Variants in BACE2 observed in about 807,000 individuals in gnomAD.
The protein encoded by BACE2 is 56 kDa aspartic-like protease.
BACE2 carries 17 observed loss-of-function variants against 46.2 expected under a neutral mutation model. That is an observed-to-expected ratio of 0.37 (90% CI 0.25 to 0.55). BACE2 has a LOEUF of 0.55. BACE2 is among the 20% of genes least tolerant of loss of function. The pLI, the probability that BACE2 is intolerant of heterozygous loss-of-function variation, is 0.82. For synonymous variants in BACE2, 277 were observed against 295.9 expected, an observed-to-expected ratio of 0.94 and a Z score of 0.66; for missense variants, 595 against 698.1, an observed-to-expected ratio of 0.85 and a Z score of 1.66.
At chr21:41,242,175 A>G (rs952156453) in intron 4 of BACE2, among the ~76,000 whole-genome samples, 3 of 149,824 alleles carry the variant, frequency 2.0e-5, no homozygotes, top group African/African-American at 7.4e-5. Flanking sequence ...TCCGAATTCC[A>G]TTAAAACTTT....
At chr21:41,198,240 C>G (rs1396944469) in intron 1 of BACE2, among the ~76,000 whole-genome samples, 1 of 152,170 alleles carries the variant, frequency 6.6e-6, no homozygotes, top group East Asian at 1.9e-4. Flanking sequence ...ATCTGCCCAC[C>G]TCGGCCTCTC....
At chr21:41,233,049 C>T (rs1223934670) in intron 2 of BACE2, among the ~76,000 whole-genome samples, 1 of 151,788 alleles carries the variant, frequency 6.6e-6, no homozygotes, top group Non-Finnish European at 1.5e-5. Context: ...TTTGTATTTT[C>T]AGTAGAGACG....
chr21:41,189,281 G>A (rs1278417895), intron 1 of BACE2, among the ~76,000 whole-genome samples: 1 of 151,708 alleles, frequency 6.6e-6, no homozygotes, highest in Non-Finnish European at 1.5e-5. Context: ...TCTAGTAATT[G>A]CCTGTTCTCT....
chr21:41,282,307 TAAAAATGTAATAAGAC>T lies in BACE2; in HGVS notation c.*6684_*6699del, dbSNP rs2088555689. The T allele has an allele frequency of 6.6e-6, 1 of 152,226 alleles. No individual in the cohort carries two copies. Among genetic ancestry groups the T allele is most frequent in the South Asian group, 2.1e-4 (1 of 4,836 alleles). The allele number at this position is 152,226 out of a possible 1,614,324, so 9.4% of individuals were successfully genotyped here. ...CTATTTCCAGCACGCTGATTTGATT[TAAAAATGTAATAAGAC>T]CAAGAGTTGGAGTAAAGGGATATTC... On this transcript the variant is annotated 3_prime_UTR_variant, in exon 9 of 9. Transcript: ENST00000330333.
chr21:41,275,406 C>A lies in BACE2; in HGVS notation c.1339C>A (p.Pro447Thr). 1 of 1,614,206 alleles carries A rather than the reference C, an allele frequency of 6.2e-7. No individual in the cohort carries two copies. Among genetic ancestry groups the A allele is most frequent in the Non-Finnish European group, 8.5e-7 (1 of 1,180,040 alleles). The change falls in exon 9 of 9, where the codon CCT (proline) becomes ACT (threonine). Residue 447 changes from proline to threonine, a missense_variant. Pro to Thr is a conservative substitution (Grantham distance 38, BLOSUM62 -1). Around this residue, in one of 3 missense-constraint regions of BACE2, gnomAD observed 343 missense variants for 419.4 expected, o/e 0.82. Coordinates refer to ENST00000330333, the MANE Select transcript of BACE2 (RefSeq NM_012105.5). ...AGAAVSEISG[P>T]FSTEDVASNC... Reference sequence around the variant, plus strand: ...TGCTGCAGTGTCTGAAATTTCCGGGCCTTTCTCAACAGAGGATGTAGCCAG... The same window carrying A: ...TGCTGCAGTGTCTGAAATTTCCGGGACTTTCTCAACAGAGGATGTAGCCAG...
intron 1 of BACE2, among the ~76,000 whole-genome samples, chr21:41,205,297 TAA>T (rs1986091078): frequency 1.3e-5 from 2 of 152,208 alleles, no homozygotes; most frequent in South Asian, 4.1e-4. Flanking sequence ...ACTTAGAAAT[TAA>T]GTCACATTTT....
intron 8 of BACE2, among the ~76,000 whole-genome samples, chr21:41,273,104 A>G (rs565691918): frequency 2.0e-3 from 303 of 152,292 alleles, no homozygotes; most frequent in Admixed American, 3.6e-3. Flanking sequence ...AAGGGGAGGG[A>G]GTGTACGAAT....
chr21:41,188,696 C>T (rs767049379), intron 1 of BACE2, among the ~76,000 whole-genome samples: 25 of 152,212 alleles, frequency 1.6e-4, no homozygotes, highest in Non-Finnish European at 4.4e-5. Flanking sequence ...AGTACTTTCT[C>T]TTACATAAGG....
chr21:41,264,343 G>A (rs894039926), intron 8 of BACE2, among the ~76,000 whole-genome samples: 4 of 151,958 alleles, frequency 2.6e-5, no homozygotes, highest in African/African-American at 9.7e-5. Context: ...AGAACTTTAG[G>A]AGGCCAAGGC....
intron 3 of BACE2, among the ~76,000 whole-genome samples, chr21:41,241,453 T>G (rs1987283147): frequency 6.6e-6 from 1 of 152,084 alleles, no homozygotes; most frequent in Non-Finnish European, 1.5e-5. Context: ...GAGAAACTCT[T>G]CTCTCCTTAC....
intron 8 of BACE2, among the ~76,000 whole-genome samples, chr21:41,274,092 A>G (rs985558379): frequency 2.6e-5 from 4 of 152,064 alleles, no homozygotes; most frequent in Non-Finnish European, 2.9e-5. Context: ...CTCTTCCACC[A>G]TGTAAAGACA....
intron 1 of BACE2, among the ~76,000 whole-genome samples, chr21:41,174,993 T>G: frequency 6.6e-6 from 1 of 152,144 alleles, no homozygotes; most frequent in Non-Finnish European, 1.5e-5. Flanking sequence ...GAAGAGAGTG[T>G]CACCTCTTCT....
chr21:41,240,017 T>G (rs1005770541), intron 3 of BACE2, among the ~76,000 whole-genome samples: 3 of 152,266 alleles, frequency 2.0e-5, no homozygotes, highest in Non-Finnish European at 2.9e-5. Flanking sequence ...CTCCTGACTC[T>G]CCGTGCGACA....
chr21:41,274,723 A>G (rs2088466570), intron 8 of BACE2, among the ~76,000 whole-genome samples: 1 of 152,218 alleles, frequency 6.6e-6, no homozygotes, highest in Non-Finnish European at 1.5e-5. Context: ...GTCATGAATT[A>G]GGTGTTGCAT....
In BACE2 at chr21:41,218,091, C is replaced by T. The variant is rs539144707; in HGVS notation, c.313-8175C>T. 3.9e-5 allele frequency among the ~76,000 whole-genome samples: 6 copies of T among 152,302 alleles called. No homozygotes were observed. The East Asian group carries it at 7.7e-4, about 20-fold the overall frequency. On this transcript the variant is annotated intron_variant, in intron 1 of 8. Transcript: ENST00000330333. ...AGAAATTAATGTAAAAAGTGAGTCC[C>T]GTTTTCCAGGAAACTTGAATCAGAC...
At chr21:41,223,801 G>A (rs1470832343) in intron 1 of BACE2, among the ~76,000 whole-genome samples, 2 of 152,232 alleles carry the variant, frequency 1.3e-5, no homozygotes, top group Admixed American at 1.3e-4. Flanking sequence ...AATAGGTAGA[G>A]CCCAGAGTGC....
At chr21:41,247,827 G>T (rs1309409196) in intron 6 of BACE2, among the ~76,000 whole-genome samples, 1 of 152,220 alleles carries the variant, frequency 6.6e-6, no homozygotes, top group Non-Finnish European at 1.5e-5. Flanking sequence ...AAGGTTGTTT[G>T]TCTTGGGCAG....
At chr21:41,221,563 C>T (rs193082364) in intron 1 of BACE2, among the ~76,000 whole-genome samples, 107 of 152,200 alleles carry the variant, frequency 7.0e-4, no homozygotes, top group African/African-American at 2.4e-3. Context: ...CGGTGGCTCA[C>T]GCCTGTAATC....
intron 1 of BACE2, among the ~76,000 whole-genome samples, chr21:41,169,699 C>T (rs530389171): frequency 6.6e-5 from 10 of 152,056 alleles, no homozygotes; most frequent in South Asian, 2.1e-4. Context: ...CATGCTAATT[C>T]TTTTAAAAAA....
Sources: allele counts gnomAD v4.1 joint callset (sites outside exome capture counted in the v4.1 genomes callset), GRCh38; gene constraint gnomAD v4.1.1; regional missense constraint gnomAD v4.1.1; transcripts MANE v1.5; gene names NCBI Gene and HGNC (gene_info 2026-07-23, HGNC 2026-07-21).